Variants in BAZ2B observed in about 807,000 individuals in gnomAD.
BAZ2B encodes the protein bromodomain adjacent to zinc finger domain 2B.
BAZ2B carries 91 observed loss-of-function variants against 246.0 expected under a neutral mutation model. The ratio of observed to expected loss-of-function variants is 0.37; its 90% CI spans 0.31 to 0.44. BAZ2B has a LOEUF of 0.44. Among genes scored for constraint, BAZ2B ranks in the 20% least tolerant of loss-of-function variants. BAZ2B has a pLI of 1.00. For missense variants in BAZ2B, 2,332 were observed against 2,533.7 expected, an observed-to-expected ratio of 0.92 and a Z score of 1.71; for synonymous variants, 855 against 860.0, an observed-to-expected ratio of 0.99 and a Z score of 0.10.
the BAZ2B span, among the ~76,000 whole-genome samples, chr2:159,709,392 G>A: frequency 6.6e-6 from 1 of 152,190 alleles, no homozygotes; most frequent in South Asian, 2.1e-4. Flanking sequence ...TTTGATAATA[G>A]AGTAGAATGA....
At chr2:159,382,925 C>T in intron 24 of BAZ2B, 123 bp from the exon 25 acceptor site, 1 of 1,280,042 alleles carries the variant, frequency 7.8e-7, no homozygotes, top group Non-Finnish European at 1.0e-6. Flanking sequence ...AAGCGATATA[C>T]CAATGTTAAA....
chr2:159,545,369 T>A (rs1352694931), intron 2 of BAZ2B, among the ~76,000 whole-genome samples: 1 of 152,176 alleles, frequency 6.6e-6, no homozygotes, highest in Non-Finnish European at 1.5e-5. Flanking sequence ...ACTCTACAGA[T>A]CTCAGCTAAG....
the BAZ2B span, among the ~76,000 whole-genome samples, chr2:159,673,648 C>T: frequency 6.6e-6 from 1 of 151,256 alleles, no homozygotes; most frequent in African/African-American, 2.4e-5. Flanking sequence ...CACCCACAGA[C>T]TGCACATCAC....
At chr2:159,564,217 G>A (rs1303422035) in intron 1 of BAZ2B, among the ~76,000 whole-genome samples, 2 of 152,174 alleles carry the variant, frequency 1.3e-5, no homozygotes, top group Admixed American at 6.5e-5. Context: ...GCCCTGAGTT[G>A]AGAAGGCCTG....
the BAZ2B span, among the ~76,000 whole-genome samples, chr2:159,642,241 T>TC: frequency 2.4e-3 from 361 of 148,572 alleles, no homozygotes; most frequent in African/African-American, 7.8e-3. Context: ...TTTCTTTCTT[T>TC]TTTTTTTTTT....
the BAZ2B span, among the ~76,000 whole-genome samples, chr2:159,645,022 C>T: frequency 6.6e-6 from 1 of 152,168 alleles, no homozygotes; most frequent in African/African-American, 2.4e-5. Context: ...CACGTGTAAT[C>T]CCAGCATTTT....
chr2:159,704,525 C>T, the BAZ2B span, among the ~76,000 whole-genome samples: 1 of 142,194 alleles, frequency 7.0e-6, no homozygotes, highest in African/African-American at 2.6e-5. Flanking sequence ...TCTTGTTGCC[C>T]AGGCTGGAGT....
chr2:159,697,239 T>C, the BAZ2B span, among the ~76,000 whole-genome samples: 8 of 152,326 alleles, frequency 5.3e-5, no homozygotes, highest in South Asian at 1.7e-3. Context: ...TAAAGAATTG[T>C]CAGGTTTTTA....
upstream of BAZ2B, among the ~76,000 whole-genome samples, chr2:159,620,377 CG>C: frequency 6.6e-6 from 1 of 152,228 alleles, no homozygotes; most frequent in East Asian, 1.9e-4. Flanking sequence ...ATATGCTACG[CG>C]CTATGCTAGA....
Position 159,325,791 on chromosome 2 carries a change from C to T in BAZ2B, c.6071G>A (p.Ser2024Asn), listed in dbSNP as rs415793. 0.22 allele frequency: 360,383 copies of T among 1,606,358 alleles called. 41,452 individuals are homozygous for T. Among genetic ancestry groups the T allele is most frequent in the Middle Eastern group, 0.29 (1,763 of 6,036 alleles). Residue 2024 changes from serine (S) to asparagine (N), a missense_variant, in exon 35 of 37, where the codon AGT becomes AAT. Coordinates refer to ENST00000392783, the MANE Select transcript of BAZ2B (RefSeq NM_013450.4). ...GTCTTTGTTTCCTCTTTTTAGTGAA[C>T]TACTTGTAGATGCAGAGTCTTCATC... is the stretch of plus-strand genomic sequence containing the variant. ...TEDEDSASTSSSLKRGNKDLK... is the reference protein window; with the variant it reads ...TEDEDSASTSNSLKRGNKDLK...
intron 2 of BAZ2B, among the ~76,000 whole-genome samples, chr2:159,497,273 CT>C: frequency 6.6e-6 from 1 of 152,114 alleles, no homozygotes; most frequent in Non-Finnish European, 1.5e-5. Flanking sequence ...GAAAAAAGAT[CT>C]TTTGCCTTGA....
the BAZ2B span, among the ~76,000 whole-genome samples, chr2:159,656,972 G>A: frequency 6.6e-6 from 1 of 152,044 alleles, no homozygotes; most frequent in Non-Finnish European, 1.5e-5. Flanking sequence ...CTTTTGCAGA[G>A]AAGTTTTAAA....
chr2:159,579,823 C>G (rs374785600), intron 1 of BAZ2B, among the ~76,000 whole-genome samples: 3 of 152,086 alleles, frequency 2.0e-5, no homozygotes, highest in African/African-American at 7.2e-5. Context: ...AAAACCACAT[C>G]ATTATCTCAA....
At chr2:159,562,875 T>C (rs894565812) in intron 1 of BAZ2B, among the ~76,000 whole-genome samples, 1 of 152,112 alleles carries the variant, frequency 6.6e-6, no homozygotes, top group Non-Finnish European at 1.5e-5. Context: ...GCAAGATTGC[T>C]TTTTTTAAAA....
At chr2:159,701,246 C>A in the BAZ2B span, among the ~76,000 whole-genome samples, 16 of 152,190 alleles carry the variant, frequency 1.1e-4, no homozygotes, top group Non-Finnish European at 1.5e-5. Flanking sequence ...TTGTAAAATA[C>A]AATTTATACA....
At chr2:159,393,254 AG>A (rs1325161867) in intron 20 of BAZ2B, among the ~76,000 whole-genome samples, 1 of 152,182 alleles carries the variant, frequency 6.6e-6, no homozygotes, top group African/African-American at 2.4e-5. Context: ...GGATAGTGTC[AG>A]GATATGATCT....
chr2:159,539,704 T>C (rs758636050), intron 2 of BAZ2B, among the ~76,000 whole-genome samples: 55 of 152,220 alleles, frequency 3.6e-4, no homozygotes, highest in Middle Eastern at 3.2e-3. Context: ...ACTGAGACCC[T>C]GTCTGTATTT....
chr2:159,398,914 C>T lies in BAZ2B; in HGVS notation c.2899-20G>A, dbSNP rs1338445995. The T allele has an allele frequency of 6.2e-7, 1 of 1,604,184 alleles. No homozygotes were observed. Among genetic ancestry groups the T allele is most frequent in the African/African-American group, 1.3e-5 (1 of 74,942 alleles). On this transcript the variant is annotated intron_variant, in intron 17 of 36. Coordinates refer to ENST00000392783, the MANE Select transcript of BAZ2B (RefSeq NM_013450.4). ...TTTAGCCTGTGCATGCAAAACAGGT[C>T]TCAAAGTCATGCAACAGCACCACTA...
intron 2 of BAZ2B, among the ~76,000 whole-genome samples, chr2:159,507,273 A>T (rs553964248): frequency 2.0e-4 from 31 of 152,328 alleles, no homozygotes; most frequent in African/African-American, 7.5e-4. Flanking sequence ...CAAAACTTGA[A>T]GAAATAGGCT....
Sources: gnomAD v4.1 joint callset for allele counts (sites outside exome capture counted in the v4.1 genomes callset) on GRCh38, gnomAD v4.1.1 for gene constraint, MANE v1.5 for transcripts, NCBI Gene and HGNC (gene_info 2026-07-23, HGNC 2026-07-21) for gene names.